CNTN4: variants seen among roughly 807,000 people sequenced by gnomAD.
CNTN4 encodes the protein contactin-4.
In CNTN4, 77 loss-of-function variants were observed where a neutral mutation model predicts 122.5. The observed-to-expected ratio is 0.63, with a 90% CI of 0.52 to 0.76. The LOEUF is 0.76. Among genes scored for constraint, CNTN4 ranks in the 30% least tolerant of loss-of-function variants. The probability of loss-of-function intolerance (pLI) is 0.00; values close to 1 mark genes in which losing one functional copy is unlikely to be tolerated. For missense variants in CNTN4, 1,256 were observed against 1,259.1 expected, an observed-to-expected ratio of 1.00 and a Z score of 0.04; for synonymous variants, 512 against 447.0, an observed-to-expected ratio of 1.15 and a Z score of -1.83.
rs144820774 is a variant in CNTN4, at chr3:2,280,355, T to C, written c.-144-58823T>C. Among the ~76,000 whole-genome samples the C allele has an allele frequency of 2.6e-4, 40 of 152,342 alleles. No individual in the cohort carries two copies. In the East Asian group the frequency reaches 7.3e-3, roughly 28 times the overall value. ...TTTATTGTGATTGCTTGAAAGGTGA[T>C]TATTATAAAAATGAGTAAAATAATG... On this transcript the variant is annotated intron_variant, in intron 2 of 24. Coordinates refer to ENST00000418658, the MANE Select transcript of CNTN4 (RefSeq NM_175607.3).
chr3:2,696,627 A>G (rs1370568683), intron 4 of CNTN4, among the ~76,000 whole-genome samples: 1 of 152,184 alleles, frequency 6.6e-6, no homozygotes, highest in Non-Finnish European at 1.5e-5. Flanking sequence ...TTATTTGTTA[A>G]TGACCCAGTC....
At chr3:2,513,523 C>T (rs1460512291) in intron 3 of CNTN4, among the ~76,000 whole-genome samples, 2 of 151,896 alleles carry the variant, frequency 1.3e-5, no homozygotes, top group Non-Finnish European at 2.9e-5. Flanking sequence ...TCCCGAACCC[C>T]TTTATTTGTA....
chr3:2,853,917 G>T (rs190732865), intron 7 of CNTN4, among the ~76,000 whole-genome samples: 1 of 152,130 alleles, frequency 6.6e-6, no homozygotes, highest in African/African-American at 2.4e-5. Context: ...GATGACTGCC[G>T]TTCCCCAAAA....
chr3:2,295,838 T>A (rs544328090), intron 2 of CNTN4, among the ~76,000 whole-genome samples: 1 of 152,334 alleles, frequency 6.6e-6, no homozygotes, highest in East Asian at 1.9e-4. Flanking sequence ...TTAATCCATC[T>A]TGAATTAATT....
chr3:2,955,044 C>A (rs542838514), intron 13 of CNTN4, among the ~76,000 whole-genome samples: 8 of 152,122 alleles, frequency 5.3e-5, no homozygotes, highest in Admixed American at 6.5e-5. Context: ...TCTGGCAGCG[C>A]AACCTCATTT....
At chr3:2,259,086 A>ATT (rs535968184) in intron 2 of CNTN4, among the ~76,000 whole-genome samples, 2 of 147,444 alleles carry the variant, frequency 1.4e-5, no homozygotes, top group South Asian at 2.2e-4. Flanking sequence ...TTATTTAGTG[A>ATT]TTTTTTTTTT....
At chr3:2,671,120 C>T (rs1184728431) in intron 4 of CNTN4, among the ~76,000 whole-genome samples, 3 of 152,052 alleles carry the variant, frequency 2.0e-5, no homozygotes, top group Admixed American at 6.6e-5. Context: ...TCTGTATTTC[C>T]TGAATTTGAA....
intron 6 of CNTN4, among the ~76,000 whole-genome samples, chr3:2,778,244 AT>A (rs2149826555): frequency 7.3e-6 from 1 of 137,210 alleles, no homozygotes; most frequent in East Asian, 2.2e-4. Context: ...AAATAAATAA[AT>A]AAATAAATAA....
intron 13 of CNTN4, among the ~76,000 whole-genome samples, chr3:2,964,882 A>G (rs994023596): frequency 6.6e-6 from 1 of 152,122 alleles, no homozygotes; most frequent in Non-Finnish European, 1.5e-5. Context: ...TCCCCTTCAC[A>G]TCATCTGTCT....
intron 3 of CNTN4, among the ~76,000 whole-genome samples, chr3:2,390,824 C>T (rs965890690): frequency 2.0e-5 from 3 of 152,132 alleles, no homozygotes; most frequent in Non-Finnish European, 4.4e-5. Context: ...TTGTTTCTTG[C>T]ACTTGGAAAT....
At chr3:2,913,993 TAGC>T (rs1197907334) in intron 12 of CNTN4, among the ~76,000 whole-genome samples, 3 of 152,260 alleles carry the variant, frequency 2.0e-5, no homozygotes, top group Admixed American at 1.3e-4. Flanking sequence ...TAGAAATTGA[TAGC>T]AGAGGAAAAA....
chr3:2,383,722 C>T (rs2046121014), intron 3 of CNTN4, among the ~76,000 whole-genome samples: 1 of 149,312 alleles, frequency 6.7e-6, no homozygotes, highest in Non-Finnish European at 1.5e-5. Context: ...TCTCCTTCTT[C>T]TGTCTCTCCC....
intron 3 of CNTN4, among the ~76,000 whole-genome samples, chr3:2,500,813 G>T (rs1307168498): frequency 6.6e-6 from 1 of 152,020 alleles, no homozygotes; most frequent in East Asian, 1.9e-4. Context: ...CATTAAGTGT[G>T]CAGGCTAATG....
Position 2,543,620 on chromosome 3 carries a change from C to T in CNTN4, c.-88-27796C>T, listed in dbSNP as rs1019908830. On this transcript the variant is annotated intron_variant, in intron 3 of 24. Coordinates refer to ENST00000418658, the MANE Select transcript of CNTN4 (RefSeq NM_175607.3). ...AGGATAATAGGGAGCCAAAACAAGA[C>T]AATTTCATTGCTCCATCTCTGCTAC... is the stretch of plus-strand genomic sequence containing the variant. 3.3e-5 allele frequency among the ~76,000 whole-genome samples: 5 copies of T among 152,082 alleles called. No individual in the cohort carries two copies. The East Asian group carries it at 9.7e-4, about 29-fold the overall frequency.
chr3:2,962,135 C>T (rs1446997107), intron 13 of CNTN4, among the ~76,000 whole-genome samples: 1 of 152,190 alleles, frequency 6.6e-6, no homozygotes, highest in Non-Finnish European at 1.5e-5. Context: ...TGAATTCCCT[C>T]CAGGAAAAAC....
chr3:2,833,887 C>G (rs2093157496), intron 7 of CNTN4, among the ~76,000 whole-genome samples: 1 of 152,148 alleles, frequency 6.6e-6, no homozygotes. Flanking sequence ...CACCTATAAT[C>G]CCAACACTTG....
chr3:2,644,482 A>T (rs2083031796), intron 4 of CNTN4, among the ~76,000 whole-genome samples: 1 of 152,004 alleles, frequency 6.6e-6, no homozygotes, highest in South Asian at 2.1e-4. Context: ...GAAAAGGGAG[A>T]TGATATCTAT....
chr3:2,788,313 A>T (rs2091904359), intron 6 of CNTN4, among the ~76,000 whole-genome samples: 1 of 152,140 alleles, frequency 6.6e-6, no homozygotes, highest in Admixed American at 6.6e-5. Context: ...CATTTTGCAG[A>T]CACCCACTCA....
intron 12 of CNTN4, among the ~76,000 whole-genome samples, chr3:2,917,334 A>AGAGGGAGAGGGAGACGGAGACGG: frequency 6.6e-6 from 1 of 151,748 alleles, no homozygotes; most frequent in African/African-American, 2.4e-5. Context: ...TGGAAAGCGG[A>AGAGGGAGAGGGAGACGGAGACGG]ATAGGGAGAG....
Sources: gnomAD v4.1 joint callset for allele counts (sites outside exome capture counted in the v4.1 genomes callset) on GRCh38, gnomAD v4.1.1 for gene constraint, MANE v1.5 for transcripts, NCBI Gene and HGNC (gene_info 2026-07-23, HGNC 2026-07-21) for gene names.